GDF9: variants seen among roughly 807,000 people sequenced by gnomAD.
GDF9 encodes the protein growth/differentiation factor 9.
A neutral mutation model predicts 33.8 loss-of-function variants in GDF9; 30 were observed. The observed-to-expected ratio is 0.89, with a 90% CI of 0.66 to 1.20. GDF9 has a LOEUF of 1.20. Ranked by LOEUF, GDF9 falls within the 50% of genes most tolerant of loss-of-function variation. The probability of loss-of-function intolerance (pLI) is 0.00; values close to 1 mark genes in which losing one functional copy is unlikely to be tolerated. For synonymous variants in GDF9, 205 were observed against 200.7 expected (o/e 1.02, Z -0.18); for missense variants, 556 against 543.7 (o/e 1.02, Z -0.22).
At chr5:132,862,584 T>C in intron 1 of GDF9, 28 bp from the exon 2 acceptor site, 1 of 1,573,370 alleles carries the variant, frequency 6.4e-7, no homozygotes. Flanking sequence ...CTACCAGTAG[T>C]GCTTGAAAAT....
In GDF9 at chr5:132,866,156, C is replaced by A. The variant is rs911900821; in HGVS notation, c.-1623G>T. ...TCATGGCCTGAAAATAACGAAGCCC[C>A]CTTTGAGCTACTGGCCAAGGCCAAA... On this transcript the variant is annotated 5_prime_UTR_variant, in exon 1 of 2. Coordinates refer to ENST00000687138, the MANE Select transcript of GDF9 (RefSeq NM_005260.7). The A allele has an allele frequency of 6.6e-6, 1 of 152,594 alleles. No individual in the cohort carries two copies. Among genetic ancestry groups the A allele is most frequent in the Non-Finnish European group, 1.5e-5 (1 of 68,350 alleles). The allele number at this position is 152,594 out of a possible 1,614,324, so 9.5% of individuals were successfully genotyped here. A position where few individuals can be genotyped will look rare whatever the true frequency, so the allele number is the denominator to read the frequency against.
Position 132,861,850 on chromosome 5 carries a change from G to T in GDF9, c.1104C>A (p.Asp368Glu). 6.2e-7 allele frequency: 1 copy of T among 1,614,012 alleles called. No homozygotes were observed. Among genetic ancestry groups the T allele is most frequent in the Non-Finnish European group, 8.5e-7 (1 of 1,179,884 alleles). ...FRLSFSQLKW[D>E]NWIVAPHRYN... is the part of the protein sequence containing the mutation. ...ACCTGTGCGGAGCCACAATCCAGTTGTCCCACTTCAGCTGACTAAAGCTAA... is the reference window on the plus strand; with the variant it reads ...ACCTGTGCGGAGCCACAATCCAGTTTTCCCACTTCAGCTGACTAAAGCTAA... Residue 368 changes from aspartate to glutamate, a missense_variant, in exon 2 of 2, where the codon GAC becomes GAA. Transcript: ENST00000687138.
At position 132,866,134 on chromosome 5, in the gene GDF9, T is replaced by C. The variant is rs989299940; in HGVS notation, c.-1601A>G. 2.6e-5 allele frequency: 4 copies of C among 152,422 alleles called. No homozygotes were observed. The highest frequency in any genetic ancestry group is 5.9e-5 in the Non-Finnish European group (4 of 68,184). The allele number at this position is 152,422 out of a possible 1,614,324, so 9.4% of individuals were successfully genotyped here. A position where few individuals can be genotyped will look rare whatever the true frequency, so the allele number is the denominator to read the frequency against. On this transcript the variant is annotated 5_prime_UTR_variant, in exon 1 of 2. It removes an upstream start codon present in the reference 5' UTR. Coordinates refer to ENST00000687138, the MANE Select transcript of GDF9 (RefSeq NM_005260.7). ...CTGATTTTGGTGCTGGGGTCGCTCATGGCCTGAAAATAACGAAGCCCCCTT... is the reference window on the plus strand; with the variant it reads ...CTGATTTTGGTGCTGGGGTCGCTCACGGCCTGAAAATAACGAAGCCCCCTT...
Position 132,861,732 on chromosome 5 carries a change from C to T in GDF9, c.1222G>A (p.Glu408Lys). 2 of 1,613,046 alleles carry T rather than the reference C, an allele frequency of 1.2e-6. No homozygotes were observed. The highest frequency in any genetic ancestry group is 2.2e-5 in the South Asian group (2 of 91,058). ...VHTMVQNIIY[E>K]KLDSSVPRPS... ...CTTGGCACTGAGGAGTCCAGCTTCTCATAGATGATGTTCTGTACCATGGTG... is the reference window on the plus strand; with the variant it reads ...CTTGGCACTGAGGAGTCCAGCTTCTTATAGATGATGTTCTGTACCATGGTG... The change falls in exon 2 of 2, where the codon GAG becomes AAG. Residue 408 changes from glutamate to lysine, a missense_variant. By Grantham distance (56) the Glu-to-Lys change is moderately conservative. Coordinates refer to ENST00000687138, the MANE Select transcript of GDF9 (RefSeq NM_005260.7).
chr5:132,862,157 TA>T lies in GDF9; in HGVS notation c.796del (p.Tyr266IlefsTer2). The T allele has an allele frequency of 6.2e-7, 1 of 1,613,354 alleles. No homozygotes were observed. The highest frequency in any genetic ancestry group is 1.3e-5 in the African/African-American group (1 of 75,018). On this transcript the variant is annotated frameshift_variant, in exon 2 of 2. Coordinates refer to ENST00000687138, the MANE Select transcript of GDF9 (RefSeq NM_005260.7). LOFTEE classifies it high-confidence loss of function. ...AGCCTGAGCACTTGTGTCATTCAAA[TA>T]TAAGATCAGTGAGGGGGACACCAGA... ...MTLVSPSLILYLNDTSAQAYH... is the reference protein window; with the variant it reads ...MTLVSPSLILXLNDTSAQAYH...
In GDF9 at chr5:132,862,564, G is replaced by GA. The variant is rs753031203; in HGVS notation, c.398-9dup. ...CCACTGATGGAAGGATTCCTAAGAA[G>GA]AAAAAAAATCTACCAGTAGTGCTTG... is the stretch of plus-strand genomic sequence containing the variant. On this transcript the variant is annotated splice_polypyrimidine_tract_variant and intron_variant, in intron 1 of 1. Coordinates refer to ENST00000687138, the MANE Select transcript of GDF9 (RefSeq NM_005260.7). 19 of 1,593,458 alleles carry GA rather than the reference G, an allele frequency of 1.2e-5. No homozygotes were observed. Among genetic ancestry groups the GA allele is most frequent in the East Asian group, 2.2e-5 (1 of 44,814 alleles).
At position 132,862,188 on chromosome 5, in the gene GDF9, TG is replaced by T; in HGVS notation, c.765del (p.Asn255LysfsTer2). 1 of 1,614,008 alleles carries T rather than the reference TG, an allele frequency of 6.2e-7. No homozygotes were observed. The part of the protein sequence containing the change: ...EHPSAQNGLF[N>X]MTLVSPSLIL... Reference sequence around the variant, plus strand: ...ATCAGTGAGGGGGACACCAGAGTCATGTTAAACAAACCATTCTGTGCTGAAG... The same window carrying T: ...ATCAGTGAGGGGGACACCAGAGTCATTTAAACAAACCATTCTGTGCTGAAG... On this transcript the variant is annotated frameshift_variant, in exon 2 of 2. Transcript: ENST00000687138. LOFTEE classifies it high-confidence loss of function.
chr5:132,862,978 GC>G (rs1759370393), intron 1 of GDF9, among the ~76,000 whole-genome samples: 1 of 152,012 alleles, frequency 6.6e-6, no homozygotes, highest in South Asian at 2.1e-4. Context: ...ACAGGCATGA[GC>G]TACCATGCCC....
Position 132,864,335 on chromosome 5 carries a change from T to C in GDF9, c.199A>G (p.Lys67Glu). The C allele has an allele frequency of 1.9e-6, 3 of 1,614,174 alleles. No individual in the cohort carries two copies. Among genetic ancestry groups the C allele is most frequent in the East Asian group, 4.5e-5 (2 of 44,886 alleles). Residue 67 changes from lysine to glutamate, a missense_variant, in exon 1 of 2, where the codon AAA (lysine) becomes GAA (glutamate). Transcript: ENST00000687138. ...CCACCTCGCCCAACAGATAGAACTTTGAAAAGCGCGGGAAGGAGGCCAGCT... is the reference window on the plus strand; with the variant it reads ...CCACCTCGCCCAACAGATAGAACTTCGAAAAGCGCGGGAAGGAGGCCAGCT... ...DRAGLLPALF[K>E]VLSVGRGGSP...
In GDF9 at chr5:132,864,469, C is replaced by A. The variant is rs1379489271; in HGVS notation, c.65G>T (p.Ser22Ile). Residue 22 changes from serine to isoleucine, a missense_variant, in exon 1 of 2, where the codon AGC becomes ATC. Physicochemically the swap from Ser to Ile is moderately radical, Grantham distance 142 (BLOSUM62 -2). Transcript: ENST00000687138. ...CCFAWLCFPI[S>I]LGSQASGGEA... Reference sequence around the variant, plus strand: ...TCCCCCAGAAGCCTGAGAACCAAGGCTAATAGGAAAACACAGCCAGGCAAA... The same window carrying A: ...TCCCCCAGAAGCCTGAGAACCAAGGATAATAGGAAAACACAGCCAGGCAAA... 1 of 1,613,658 alleles carries A rather than the reference C, an allele frequency of 6.2e-7. No homozygotes were observed. The highest frequency in any genetic ancestry group is 1.1e-5 in the South Asian group (1 of 91,074).
In GDF9 at chr5:132,864,207, G is replaced by A. The variant is rs1448735620; in HGVS notation, c.327C>T (p.His109=). 6.2e-7 allele frequency: 1 copy of A among 1,614,196 alleles called. No individual in the cohort carries two copies. The highest frequency in any genetic ancestry group is 2.2e-5 in the East Asian group (1 of 44,886). The change falls in exon 1 of 2, where the codon CAC becomes CAT. Residue 109 remains histidine, a synonymous_variant. Coordinates refer to ENST00000687138, the MANE Select transcript of GDF9 (RefSeq NM_005260.7). ...TGAAGAGCCGAACAGTGTTGTAGAG[G>A]TGACTTCTATTGGATTTAGGAATCC... is the stretch of plus-strand genomic sequence containing the variant. ...KEGIPKSNRS[H]LYNTVRLFTP...
chr5:132,864,084 A>G, intron 1 of GDF9, 53 bp downstream of exon 1: 1 of 1,556,650 alleles, frequency 6.4e-7, no homozygotes, highest in South Asian at 1.1e-5. Context: ...ATTGAAATGC[A>G]GAAGTGTCTA....
chr5:132,861,734 TAGA>T lies in GDF9; in HGVS notation c.1217_1219del (p.Ile406_Tyr407delinsAsn). The T allele has an allele frequency of 6.2e-7, 1 of 1,612,362 alleles. No individual in the cohort carries two copies. Among genetic ancestry groups the T allele is most frequent in the Admixed American group, 1.7e-5 (1 of 60,028 alleles). On this transcript the variant is annotated inframe_deletion, in exon 2 of 2. Transcript: ENST00000687138. ...TGGCACTGAGGAGTCCAGCTTCTCA[TAGA>T]TGATGTTCTGTACCATGGTGTGAAC... is the stretch of plus-strand genomic sequence containing the variant.
Position 132,861,770 on chromosome 5 carries a change from C to T in GDF9, c.1184G>A (p.Gly395Asp). Reference protein sequence around the residue: ...DCPRAVGHRYGSPVHTMVQNI... With the variant: ...DCPRAVGHRYDSPVHTMVQNI... ...CTGTACCATGGTGTGAACTGGAGAG[C>T]CATACCGATGTCCAACTGCCCTTGG... The change falls in exon 2 of 2, where the codon GGC (glycine) becomes GAC (aspartate). Residue 395 changes from glycine to aspartate, a missense_variant. Coordinates refer to ENST00000687138, the MANE Select transcript of GDF9 (RefSeq NM_005260.7). The T allele has an allele frequency of 6.2e-7, 1 of 1,611,194 alleles. No individual in the cohort carries two copies. Among genetic ancestry groups the T allele is most frequent in the Non-Finnish European group, 8.5e-7 (1 of 1,177,256 alleles).
rs1759220420 is a variant in GDF9, at chr5:132,861,487, T to C, written c.*102A>G. ...AGGCTCCTCTTTATATAACATATGC[T>C]ACATTTAGAGACTTAATATATGAAG... On this transcript the variant is annotated 3_prime_UTR_variant, in exon 2 of 2. Coordinates refer to ENST00000687138, the MANE Select transcript of GDF9 (RefSeq NM_005260.7). 1.0e-6 allele frequency: 1 copy of C among 984,216 alleles called. No homozygotes were observed. The highest frequency in any genetic ancestry group is 1.6e-5 in the African/African-American group (1 of 62,770). The allele number at this position is 984,216 out of a possible 1,614,324, so 61.0% of individuals were successfully genotyped here.
Position 132,861,290 on chromosome 5 carries a change from T to A in GDF9, c.*299A>T. The A allele has an allele frequency of 2.8e-6, 1 of 354,814 alleles. No individual in the cohort carries two copies. Among genetic ancestry groups the A allele is most frequent in the South Asian group, 3.0e-5 (1 of 33,260 alleles). 22.0% of individuals were successfully genotyped at this position (354,814 alleles called of 1,614,324 possible). ...TTGATGCTAATTAAGGTTTTTTCCC[T>A]ATCAAGAATAAGACTCCTATGAAAA... On this transcript the variant is annotated 3_prime_UTR_variant, in exon 2 of 2. Transcript: ENST00000687138.
chr5:132,864,672 T>C lies in GDF9; in HGVS notation c.-139A>G. Reference sequence around the variant, plus strand: ...GTCACTTCTGTAATCAGGCCTCAAGTATGCCTAGCTGAAGATTTTATCAGC... The same window carrying C: ...GTCACTTCTGTAATCAGGCCTCAAGCATGCCTAGCTGAAGATTTTATCAGC... On this transcript the variant is annotated 5_prime_UTR_variant, in exon 1 of 2. The change creates a new upstream start codon in the 5' untranslated region. Transcript: ENST00000687138. 2 of 763,902 alleles carry C rather than the reference T, an allele frequency of 2.6e-6. No individual in the cohort carries two copies. Among genetic ancestry groups the C allele is most frequent in the Non-Finnish European group, 4.4e-6 (2 of 459,760 alleles). The allele number at this position is 763,902 out of a possible 1,614,324, so 47.3% of individuals were successfully genotyped here. A position where few individuals can be genotyped will look rare whatever the true frequency, so the allele number is the denominator to read the frequency against.
Position 132,864,824 on chromosome 5 carries a change from C to T in GDF9, c.-291G>A, listed in dbSNP as rs887100886. 8 of 410,800 alleles carry T rather than the reference C, an allele frequency of 1.9e-5. No individual in the cohort carries two copies. The highest frequency in any genetic ancestry group is 3.1e-5 in the Non-Finnish European group (7 of 229,172). The allele number at this position is 410,800 out of a possible 1,614,324, so 25.4% of individuals were successfully genotyped here. On this transcript the variant is annotated 5_prime_UTR_variant, in exon 1 of 2. Transcript: ENST00000687138. ...GTAAAACCCGTTACTGTTACACTAC[C>T]GGACTAACTATGTAGCTGAAAGTCT...
chr5:132,863,006 T>C (rs1454500515), intron 1 of GDF9, among the ~76,000 whole-genome samples: 2 of 152,094 alleles, frequency 1.3e-5, no homozygotes, highest in Admixed American at 6.5e-5. Flanking sequence ...TTTTTTGTTT[T>C]TGTAGAGACA....
Sources: allele counts gnomAD v4.1 joint callset (sites outside exome capture counted in the v4.1 genomes callset), GRCh38; gene constraint gnomAD v4.1.1; transcripts MANE v1.5; gene names NCBI Gene and HGNC (gene_info 2026-07-23, HGNC 2026-07-21).